The following ARHGEF1 variants were observed in gnomAD, a reference collection of about 807,000 sequenced individuals.
ARHGEF1 encodes Rho guanine nucleotide exchange factor 1.
Under a neutral mutation model 119.7 loss-of-function variants are expected in ARHGEF1, and 40 were observed. The ratio of observed to expected loss-of-function variants is 0.33; its 90% CI spans 0.26 to 0.44. The LOEUF (loss-of-function observed/expected upper bound fraction) is 0.44. Among genes scored for constraint, ARHGEF1 ranks in the 20% least tolerant of loss-of-function variants. The pLI is 1.00. For missense variants in ARHGEF1, 976 were observed against 1,268.3 expected (o/e 0.77, Z 3.50); for synonymous variants, 494 against 521.0 (o/e 0.95, Z 0.71).
chr19:41,907,471 C>T (rs367849364), downstream of ARHGEF1: 314 of 1,442,392 alleles, frequency 2.2e-4, 1 homozygote, highest in African/African-American at 3.7e-3. Context: ...TGTGTGATGG[C>T]GGGGTGGGGC....
chr19:41,899,807 A>G (rs2123484577), intron 14 of ARHGEF1, among the ~76,000 whole-genome samples: 1 of 152,044 alleles, frequency 6.6e-6, no homozygotes, highest in South Asian at 2.1e-4. Context: ...AAGGTTTGGG[A>G]CTTGACTGAA....
intron 13 of ARHGEF1, 93 bp from the exon 14 acceptor site, chr19:41,898,349 A>C: frequency 3.3e-6 from 5 of 1,535,470 alleles, no homozygotes; most frequent in Non-Finnish European, 3.5e-6. Context: ...ATCGAATGCC[A>C]AGGCCACTGA....
At position 41,907,171 on chromosome 19, in the gene ARHGEF1, C is replaced by G. The variant is rs782478584; in HGVS notation, c.*84C>G. The G allele has an allele frequency of 6.5e-7, 1 of 1,529,720 alleles. No individual in the cohort carries two copies. The highest frequency in any genetic ancestry group is 8.7e-7 in the Non-Finnish European group (1 of 1,144,262). 94.8% of individuals were successfully genotyped at this position (1,529,720 alleles called of 1,614,324 possible). A position where few individuals can be genotyped will look rare whatever the true frequency, so the allele number is the denominator to read the frequency against. The stretch of plus-strand genomic sequence containing the variant: ...GGACCACCCCCACCCACACAGCTGC[C>G]GCAGCATCTCACACCCCGAGGGCCT... On this transcript the variant is annotated 3_prime_UTR_variant, in exon 29 of 29. Transcript: ENST00000354532.
rs1348546423 is a variant in ARHGEF1, at chr19:41,907,393, C to T, written c.*306C>T. On this transcript the variant is annotated 3_prime_UTR_variant, in exon 29 of 29. Coordinates refer to ENST00000354532, the MANE Select transcript of ARHGEF1 (RefSeq NM_004706.4). ...CTCCACCCCCACCCCCAAGTGCCTT[C>T]GCTCTGTTTTTATACCCTGAATTGG... 3.3e-6 allele frequency: 5 copies of T among 1,534,480 alleles called. No individual in the cohort carries two copies. The highest frequency in any genetic ancestry group is 2.4e-5 in the East Asian group (1 of 40,870).
chr19:41,920,184 A>G (rs1599678683), upstream of ARHGEF1, among the ~76,000 whole-genome samples: 1 of 128,294 alleles, frequency 7.8e-6, no homozygotes, highest in East Asian at 2.3e-4. Context: ...TGACACGCTC[A>G]CAGACATGCG....
chr19:41,917,011 T>G lies in ARHGEF1; in HGVS notation c.1866-6081T>G, dbSNP rs568940086. Among the ~76,000 whole-genome samples, 11 of 151,028 alleles carry G rather than the reference T, an allele frequency of 7.3e-5. No individual in the cohort carries two copies. Among genetic ancestry groups the G allele is most frequent in the Non-Finnish European group, 1.3e-4 (9 of 67,698 alleles). Reference sequence around the variant, plus strand: ...CTTCCCAAGCATGTCTCTGCATGGGTGTGTGTGTGTGTGTGCACATATGTG... The same window carrying G: ...CTTCCCAAGCATGTCTCTGCATGGGGGTGTGTGTGTGTGTGCACATATGTG... On this transcript the variant is annotated intron_variant, in intron 18 of 20. Transcript: ENST00000599589. This position sits in a 1 kb window ranked among gnomAD's most constrained non-coding sequence, Gnocchi z 4.8.
At position 41,906,036 on chromosome 19, in the gene ARHGEF1, T is replaced by A. The variant is rs782508918; in HGVS notation, c.2491+11T>A. On this transcript the variant is annotated intron_variant, in intron 26 of 28. Coordinates refer to ENST00000354532, the MANE Select transcript of ARHGEF1 (RefSeq NM_004706.4). This position sits in a 1 kb window ranked among gnomAD's most constrained non-coding sequence, Gnocchi z 4.5. Reference sequence around the variant, plus strand: ...CGGCCCTTCGGAAAGGTAGCCCAGCTCTGCCCCTCCAGGGTGGCCACCAGC... The same window carrying A: ...CGGCCCTTCGGAAAGGTAGCCCAGCACTGCCCCTCCAGGGTGGCCACCAGC... 39 of 1,613,060 alleles carry A rather than the reference T, an allele frequency of 2.4e-5. No individual in the cohort carries two copies. The highest frequency in any genetic ancestry group is 3.1e-5 in the Non-Finnish European group (36 of 1,179,604).
upstream of ARHGEF1, among the ~76,000 whole-genome samples, chr19:41,919,726 C>T (rs570313126): frequency 6.6e-6 from 1 of 152,286 alleles, no homozygotes; most frequent in South Asian, 2.1e-4. Context: ...CTCTCAGGGT[C>T]GCACTCACTT....
At chr19:41,918,367 C>T (rs2074815097), upstream of ARHGEF1, among the ~76,000 whole-genome samples, 1 of 149,940 alleles carries the variant, frequency 6.7e-6, no homozygotes, top group Admixed American at 6.6e-5. Context: ...CACACCATAC[C>T]ACACACACCA....
upstream of ARHGEF1, among the ~76,000 whole-genome samples, chr19:41,920,219 G>A (rs1424784619): frequency 3.3e-5 from 4 of 121,852 alleles, no homozygotes; most frequent in Non-Finnish European, 6.6e-5. Context: ...ATGCCCAGAC[G>A]TGACACTCAG....
chr19:41,884,766 C>CTA (rs1600638359), intron 1 of ARHGEF1, among the ~76,000 whole-genome samples: 1 of 152,130 alleles, frequency 6.6e-6, no homozygotes, highest in Non-Finnish European at 1.5e-5. Flanking sequence ...ATCCGGGGCT[C>CTA]TATAGACCAT....
At chr19:41,928,758 G>A in intron 1 of ARHGEF1, 1 of 357,328 alleles carries the variant, frequency 2.8e-6, no homozygotes, top group South Asian at 2.0e-5. Context: ...GGGGTGGGGC[G>A]GGGGTGGGTG....
chr19:41,920,997 G>C (rs75167885), upstream of ARHGEF1, among the ~76,000 whole-genome samples: 1 of 152,178 alleles, frequency 6.6e-6, no homozygotes, highest in African/African-American at 2.4e-5. Context: ...CTCAGTCTCC[G>C]CACGATGTCC....
chr19:41,906,558 G>T lies in ARHGEF1; in HGVS notation c.2593G>T (p.Ala865Ser), dbSNP rs782473547. ...CCCAGGGGGCGGCCCCCTGAGCCCA[G>T]CACGGACCCAGGAAATCCAGGAGAA... ...GVPGGGPLSP[A>S]RTQEIQENLL... Residue 865 changes from alanine (A) to serine (S), a missense_variant, in exon 27 of 29, where the codon GCA (alanine) becomes TCA (serine). Ala to Ser is a moderately conservative substitution (Grantham distance 99). This residue lies in a region of ARHGEF1 where 171 missense variants were observed against 180.6 expected (regional missense o/e 0.95). Transcript: ENST00000354532. This position sits in a 1 kb window ranked among gnomAD's most constrained non-coding sequence, Gnocchi z 4.5. 1 of 1,600,198 alleles carries T rather than the reference G, an allele frequency of 6.2e-7. No homozygotes were observed. Among genetic ancestry groups the T allele is most frequent in the South Asian group, 1.1e-5 (1 of 89,410 alleles).
intron 1 of ARHGEF1, among the ~76,000 whole-genome samples, 193 bp from the exon 2 acceptor site, chr19:41,887,871 C>G (rs1257467631): frequency 6.6e-6 from 1 of 152,220 alleles, no homozygotes; most frequent in Non-Finnish European, 1.5e-5. Context: ...GCAAGGCTCC[C>G]GTCCCTGGGC....
downstream of ARHGEF1, chr19:41,909,591 T>G (rs1368828280): frequency 6.8e-6 from 6 of 883,066 alleles, no homozygotes; most frequent in Middle Eastern, 4.6e-4. The surrounding 1 kb of genome is among the most constrained non-coding windows in gnomAD (Gnocchi z 5.2). Flanking sequence ...TTGGGGAAAC[T>G]GAGGCTCACA....
Position 41,903,790 on chromosome 19 carries a change from A to C in ARHGEF1, c.1917+6A>C. The C allele has an allele frequency of 1.2e-6, 2 of 1,612,666 alleles. No individual in the cohort carries two copies. Among genetic ancestry groups the C allele is most frequent in the Non-Finnish European group, 1.7e-6 (2 of 1,179,844 alleles). On this transcript the variant is annotated splice_donor_region_variant and intron_variant, in intron 20 of 28. Coordinates refer to ENST00000354532, the MANE Select transcript of ARHGEF1 (RefSeq NM_004706.4). The surrounding 1 kb of genome is among the most constrained non-coding windows in gnomAD (Gnocchi z 4.2). ...CTATGCTGAGCGAGTTCAAGGTGTGACCATACCCTCCTGCCTCCCCCGCCC... is the reference window on the plus strand; with the variant it reads ...CTATGCTGAGCGAGTTCAAGGTGTGCCCATACCCTCCTGCCTCCCCCGCCC...
intron 18 of ARHGEF1, among the ~76,000 whole-genome samples, chr19:41,915,530 T>C (rs2074795673): frequency 6.6e-6 from 1 of 151,942 alleles, no homozygotes; most frequent in Non-Finnish European, 1.5e-5. Flanking sequence ...GGCTCTGTTT[T>C]AATGTCTAGG....
intron 18 of ARHGEF1, among the ~76,000 whole-genome samples, chr19:41,915,256 G>A (rs2074793871): frequency 6.7e-6 from 1 of 150,208 alleles, no homozygotes; most frequent in African/African-American, 2.5e-5. Context: ...CGGCGCTCCG[G>A]GCCCTGCTCC....
Sources: gnomAD v4.1 joint callset for allele counts (sites outside exome capture counted in the v4.1 genomes callset) on GRCh38, gnomAD v4.1.1 for gene constraint, gnomAD v4.1.1 regional missense constraint, Gnocchi (gnomAD v3.1) non-coding constraint, MANE v1.5 for transcripts, NCBI Gene and HGNC (gene_info 2026-07-23, HGNC 2026-07-21) for gene names.